RLF: variants seen among roughly 807,000 people sequenced by gnomAD.
RLF encodes the protein zinc finger protein Rlf.
A neutral mutation model predicts 162.9 loss-of-function variants in RLF; 7 were observed. The ratio of observed to expected loss-of-function variants is 0.04; its 90% CI spans 0.02 to 0.08. RLF has a LOEUF of 0.08. RLF is among the 10% of genes least tolerant of loss of function. The pLI is 1.00. For synonymous variants in RLF, 782 were observed against 791.5 expected, an observed-to-expected ratio of 0.99 and a Z score of 0.20; for missense variants, 1,664 against 2,244.7, an observed-to-expected ratio of 0.74 and a Z score of 5.23.
chr1:40,229,701 C>T (rs1442121645), intron 6 of RLF, among the ~76,000 whole-genome samples: 3 of 151,814 alleles, frequency 2.0e-5, no homozygotes, highest in African/African-American at 7.3e-5. Flanking sequence ...GATCCACCTG[C>T]CTTGGCCTCC....
In RLF at chr1:40,175,956, T is replaced by G. The variant is rs536343282; in HGVS notation, c.238-13099T>G. ...TACCCTCCCATCCCCACTTAACTAC[T>G]GATTTGCTGTCTCTATAAATTAGAT... is the stretch of plus-strand genomic sequence containing the variant. On this transcript the variant is annotated intron_variant, in intron 1 of 7. Coordinates refer to ENST00000372771, the MANE Select transcript of RLF (RefSeq NM_012421.4). 3.9e-5 allele frequency among the ~76,000 whole-genome samples: 6 copies of G among 152,242 alleles called. No homozygotes were observed. The South Asian group carries it at 6.2e-4, about 16-fold the overall frequency.
chr1:40,176,491 C>T (rs1163208148), intron 1 of RLF, among the ~76,000 whole-genome samples: 6 of 152,172 alleles, frequency 3.9e-5, no homozygotes, highest in Admixed American at 1.3e-4. Flanking sequence ...GTCACCCAGG[C>T]TGCAGTGGTG....
In RLF at chr1:40,240,709, C is replaced by A; in HGVS notation, c.*262C>A. On this transcript the variant is annotated 3_prime_UTR_variant, in exon 8 of 8. Coordinates refer to ENST00000372771, the MANE Select transcript of RLF (RefSeq NM_012421.4). ...ACTTGTTTGGTGCTAATTAATACAT[C>A]AAAATATACTGGGGCTTCCTTTTTC... The A allele has an allele frequency of 1.1e-5, 4 of 362,060 alleles. No individual in the cohort carries two copies. Among genetic ancestry groups the A allele is most frequent in the Admixed American group, 4.4e-5 (1 of 22,602 alleles). 22.4% of individuals were successfully genotyped at this position (362,060 alleles called of 1,614,324 possible).
rs752098894 is a variant in RLF, at chr1:40,238,006, A to G, written c.3304A>G (p.Ile1102Val). ...GAKSLQSVSS[I>V]SDLNFQNQDE... ...TAAGTCTCTTCAGTCAGTTTCATCT[A>G]TCTCAGACCTTAATTTTCAGAATCA... The change falls in exon 8 of 8, where the codon ATC becomes GTC. Residue 1102 changes from isoleucine to valine, a missense_variant. Coordinates refer to ENST00000372771, the MANE Select transcript of RLF (RefSeq NM_012421.4). This position sits in a 1 kb window ranked among gnomAD's most constrained non-coding sequence, Gnocchi z 5.2. The G allele has an allele frequency of 3.1e-6, 5 of 1,614,040 alleles. No individual in the cohort carries two copies. Among genetic ancestry groups the G allele is most frequent in the African/African-American group, 1.3e-5 (1 of 74,942 alleles).
At chr1:40,181,608 T>C (rs1308383217) in intron 1 of RLF, among the ~76,000 whole-genome samples, 1 of 152,226 alleles carries the variant, frequency 6.6e-6, no homozygotes, top group African/African-American at 2.4e-5. Flanking sequence ...GGTGTTTAGA[T>C]TATTAAAGGA....
chr1:40,200,328 C>T (rs1642695088), intron 4 of RLF, among the ~76,000 whole-genome samples: 1 of 152,044 alleles, frequency 6.6e-6, no homozygotes, highest in African/African-American at 2.4e-5. Context: ...TGAACAGAGC[C>T]TTTAATTTAG....
chr1:40,237,424 A>C lies in RLF; in HGVS notation c.2722A>C (p.Met908Leu). The change falls in exon 8 of 8, where the codon ATG becomes CTG. Residue 908 changes from methionine (M) to leucine (L), a missense_variant. Coordinates refer to ENST00000372771, the MANE Select transcript of RLF (RefSeq NM_012421.4). This position sits in a 1 kb window ranked among gnomAD's most constrained non-coding sequence, Gnocchi z 4.4. ...DQLSHSSSAS[M>L]NEELIDTLDH... ...GTTAAGTCATAGCTCTTCAGCTTCA[A>C]TGAATGAAGAGCTAATTGACACACT... The C allele has an allele frequency of 1.2e-6, 2 of 1,613,852 alleles. No homozygotes were observed. Among genetic ancestry groups the C allele is most frequent in the African/African-American group, 2.7e-5 (2 of 75,026 alleles).
chr1:40,185,425 T>A (rs1642461597), intron 1 of RLF, among the ~76,000 whole-genome samples: 1 of 139,204 alleles, frequency 7.2e-6, no homozygotes, highest in Non-Finnish European at 1.5e-5. Context: ...CCACCTTGCC[T>A]AGTCCAGTTT....
intron 5 of RLF, among the ~76,000 whole-genome samples, chr1:40,214,933 A>AAC: frequency 6.7e-6 from 1 of 150,206 alleles, no homozygotes; most frequent in East Asian, 1.9e-4. Flanking sequence ...AAAAAAAAAA[A>AAC]AAAAAAAAAA....
intron 4 of RLF, among the ~76,000 whole-genome samples, chr1:40,200,928 ACACACACACACT>A (rs1296117669): frequency 4.1e-5 from 5 of 122,084 alleles, no homozygotes; most frequent in South Asian, 2.7e-4. Context: ...ACACACACAC[ACACACACACACT>A]GGTTTATCCT....
chr1:40,201,907 A>G (rs887960627), intron 4 of RLF, among the ~76,000 whole-genome samples: 1 of 152,180 alleles, frequency 6.6e-6, no homozygotes, highest in Non-Finnish European at 1.5e-5. Context: ...GATTTGACCA[A>G]GGAATCCTTT....
chr1:40,236,517 T>C lies in RLF; in HGVS notation c.1815T>C (p.Val605=). 1 of 1,613,850 alleles carries C rather than the reference T, an allele frequency of 6.2e-7. No homozygotes were observed. Among genetic ancestry groups the C allele is most frequent in the African/African-American group, 1.3e-5 (1 of 74,970 alleles). ...TTGTTCCTCATGTGATGGAGCATGT[T>C]AAAATGCCACCAAGCAGAAGGGACC... The part of the protein sequence containing the change: ...EMFVPHVMEH[V]KMPPSRRDRS... Residue 605 remains valine (V), a synonymous_variant, in exon 8 of 8, where the codon GTT becomes GTC. Coordinates refer to ENST00000372771, the MANE Select transcript of RLF (RefSeq NM_012421.4). This position sits in a 1 kb window ranked among gnomAD's most constrained non-coding sequence, Gnocchi z 7.7.
At chr1:40,199,121 C>T (rs569633518) in intron 4 of RLF, among the ~76,000 whole-genome samples, 1 of 152,166 alleles carries the variant, frequency 6.6e-6, no homozygotes, top group Non-Finnish European at 1.5e-5. Flanking sequence ...ATTACACATA[C>T]CCAAGACCAT....
chr1:40,207,630 T>C (rs1168655452), intron 5 of RLF, among the ~76,000 whole-genome samples: 2 of 152,146 alleles, frequency 1.3e-5, no homozygotes, highest in Non-Finnish European at 1.5e-5. Context: ...ATTGTTTTTT[T>C]TGGAGACAGA....
intron 1 of RLF, among the ~76,000 whole-genome samples, chr1:40,171,277 C>T (rs1215765296): frequency 6.6e-6 from 1 of 152,170 alleles, no homozygotes; most frequent in Non-Finnish European, 1.5e-5. Context: ...GATCCTCCCA[C>T]CTCAGCCTCC....
At position 40,239,346 on chromosome 1, in the gene RLF, G is replaced by A. The variant is rs1452038725; in HGVS notation, c.4644G>A (p.Gln1548=). The change falls in exon 8 of 8, where the codon CAG becomes CAA. Residue 1548 remains glutamine (Q), a synonymous_variant. Coordinates refer to ENST00000372771, the MANE Select transcript of RLF (RefSeq NM_012421.4). ...GTGTGGAGCACTCTGAGCACACACA[G>A]TACCCCTGCATGGTTCAAGGATGCT... is the stretch of plus-strand genomic sequence containing the variant. ...HMCVEHSEHT[Q]YPCMVQGCLS... 2 of 1,613,984 alleles carry A rather than the reference G, an allele frequency of 1.2e-6. No individual in the cohort carries two copies. Among genetic ancestry groups the A allele is most frequent in the Non-Finnish European group, 1.7e-6 (2 of 1,180,026 alleles).
At chr1:40,166,507 T>C (rs1171436748) in intron 1 of RLF, among the ~76,000 whole-genome samples, 2 of 152,012 alleles carry the variant, frequency 1.3e-5, no homozygotes, top group African/African-American at 4.8e-5. Context: ...TTACTGGGTA[T>C]ATACCCAAAG....
chr1:40,223,341 ACT>A (rs1643020931), intron 6 of RLF, among the ~76,000 whole-genome samples: 1 of 152,190 alleles, frequency 6.6e-6, no homozygotes, highest in Non-Finnish European at 1.5e-5. Flanking sequence ...AAAATGTAAG[ACT>A]CTCTGTCAGT....
rs1643246966 is a variant in RLF, at chr1:40,238,517, C to T, written c.3815C>T (p.Ser1272Leu). Residue 1272 changes from serine (S) to leucine (L), a missense_variant, in exon 8 of 8, where the codon TCA (serine) becomes TTA (leucine). By Grantham distance (145) the Ser-to-Leu change is moderately radical (BLOSUM62 -2). This residue lies in a region of RLF where 102 missense variants were observed against 109.5 expected (regional missense o/e 0.93). Coordinates refer to ENST00000372771, the MANE Select transcript of RLF (RefSeq NM_012421.4). The surrounding 1 kb of genome is among the most constrained non-coding windows in gnomAD (Gnocchi z 5.2). ...EETESKTSDI[S>L]SPIGSHREEQ... ...ACAGAAAGTAAAACATCTGACATTT[C>T]ATCACCAATAGGCAGCCATAGAGAA... 2 of 1,613,874 alleles carry T rather than the reference C, an allele frequency of 1.2e-6. No homozygotes were observed. The highest frequency in any genetic ancestry group is 1.7e-6 in the Non-Finnish European group (2 of 1,179,994).
Sources: allele counts gnomAD v4.1 joint callset (sites outside exome capture counted in the v4.1 genomes callset), GRCh38; gene constraint gnomAD v4.1.1; regional missense constraint gnomAD v4.1.1; non-coding constraint Gnocchi (gnomAD v3.1); transcripts MANE v1.5; gene names NCBI Gene and HGNC (gene_info 2026-07-23, HGNC 2026-07-21).